Variants in ZRANB3 observed in about 807,000 individuals in gnomAD.
ZRANB3 encodes the protein zinc finger RANBP2-type containing 3.
ZRANB3 carries 125 observed loss-of-function variants against 133.8 expected under a neutral mutation model. The ratio of observed to expected loss-of-function variants is 0.93; its 90% confidence interval spans 0.81 to 1.08. The LOEUF is 1.08. Among genes scored for constraint, ZRANB3 ranks in the 50% least tolerant of loss-of-function variants. The pLI is 0.00. For synonymous variants in ZRANB3, 387 were observed against 432.7 expected (o/e 0.89, Z 1.31); for missense variants, 1,229 against 1,275.5 (o/e 0.96, Z 0.56).
intron 12 of ZRANB3, among the ~76,000 whole-genome samples, chr2:135,237,705 A>G (rs1024828994): frequency 1.1e-4 from 16 of 149,168 alleles, no homozygotes; most frequent in African/African-American, 4.0e-4. Context: ...AAAACTAAAC[A>G]CCACATGTCC....
intron 12 of ZRANB3, among the ~76,000 whole-genome samples, chr2:135,251,772 C>A (rs1348977347): frequency 6.6e-6 from 1 of 152,168 alleles, no homozygotes; most frequent in African/African-American, 2.4e-5. Flanking sequence ...CATGGTGGCT[C>A]ACACCTGTAA....
intron 8 of ZRANB3, among the ~76,000 whole-genome samples, chr2:135,309,264 A>C (rs564823900): frequency 6.6e-6 from 1 of 152,272 alleles, no homozygotes; most frequent in South Asian, 2.1e-4. Flanking sequence ...TACAGGTGTG[A>C]GCCACCGCAC....
intron 2 of ZRANB3, among the ~76,000 whole-genome samples, chr2:135,479,099 T>A (rs1424843482): frequency 6.6e-6 from 1 of 151,916 alleles, no homozygotes. Flanking sequence ...ACATCCTTGC[T>A]GGTATTGTCT....
At position 135,386,462 on chromosome 2, in the gene ZRANB3, T is replaced by C. The variant is rs545612207; in HGVS notation, c.180+4340A>G. The stretch of plus-strand genomic sequence containing the variant: ...TTCCTCAGGGATCCAGAACCAGAAA[T>C]ACCATTTGACCCAGTGATCCCATTA... On this transcript the variant is annotated intron_variant, in intron 3 of 20. Transcript: ENST00000264159. Among the ~76,000 whole-genome samples the C allele has an allele frequency of 3.3e-5, 5 of 152,212 alleles. No individual in the cohort carries two copies. In the East Asian group the frequency reaches 9.7e-4, roughly 29 times the overall value.
chr2:135,521,864 G>A (rs931837926), intron 1 of ZRANB3, among the ~76,000 whole-genome samples: 2 of 152,162 alleles, frequency 1.3e-5, no homozygotes, highest in African/African-American at 4.8e-5. Context: ...AGAGAATCAT[G>A]ATAAGGATAT....
intron 1 of ZRANB3, chr2:135,510,520 A>T (rs1269586408): frequency 3.2e-6 from 2 of 622,542 alleles, no homozygotes; most frequent in Non-Finnish European, 5.9e-6. Flanking sequence ...TAGGGTTTGT[A>T]TGGCCGCGTG....
At chr2:135,449,039 A>T (rs1178166414) in intron 2 of ZRANB3, among the ~76,000 whole-genome samples, 1 of 152,200 alleles carries the variant, frequency 6.6e-6, no homozygotes, top group Non-Finnish European at 1.5e-5. Context: ...ACACTGTAAT[A>T]CTAGGTGATT....
At chr2:135,299,019 C>A (rs1342773514) in intron 8 of ZRANB3, among the ~76,000 whole-genome samples, 1 of 152,092 alleles carries the variant, frequency 6.6e-6, no homozygotes, top group African/African-American at 2.4e-5. Context: ...TGTCTAAAGT[C>A]CCTGGACAAG....
At chr2:135,257,811 T>TA (rs1679734437) in intron 12 of ZRANB3, among the ~76,000 whole-genome samples, 1 of 152,340 alleles carries the variant, frequency 6.6e-6, no homozygotes, top group Middle Eastern at 3.4e-3. Context: ...ATATGCTAAC[T>TA]CTAATGCACC....
intron 8 of ZRANB3, among the ~76,000 whole-genome samples, chr2:135,299,274 A>G (rs1430353227): frequency 1.3e-5 from 2 of 152,070 alleles, no homozygotes; most frequent in East Asian, 3.9e-4. Flanking sequence ...ACAGGTCTCC[A>G]GGGAAGTGGG....
At chr2:135,406,213 A>G (rs541900074) in intron 2 of ZRANB3, among the ~76,000 whole-genome samples, 10 of 152,352 alleles carry the variant, frequency 6.6e-5, no homozygotes, top group African/African-American at 2.4e-4. Context: ...AATAAACTAG[A>G]AAATCTAGAA....
intron 2 of ZRANB3, among the ~76,000 whole-genome samples, chr2:135,401,683 A>C (rs1402056380): frequency 6.6e-6 from 1 of 152,224 alleles, no homozygotes. Flanking sequence ...GCATCACGCA[A>C]TGATGCCAAA....
chr2:135,514,888 T>C (rs1693636812), intron 1 of ZRANB3, among the ~76,000 whole-genome samples: 1 of 152,182 alleles, frequency 6.6e-6, no homozygotes, highest in African/African-American at 2.4e-5. Flanking sequence ...TCTGCATCTA[T>C]TGAGATAATC....
At chr2:135,432,956 G>C (rs1406547454) in intron 2 of ZRANB3, among the ~76,000 whole-genome samples, 1 of 152,174 alleles carries the variant, frequency 6.6e-6, no homozygotes, top group Non-Finnish European at 1.5e-5. Flanking sequence ...TGGAAAACAA[G>C]GACGAGCTAG....
chr2:135,422,709 G>A (rs1207994910), intron 2 of ZRANB3, among the ~76,000 whole-genome samples: 1 of 152,200 alleles, frequency 6.6e-6, no homozygotes, highest in Admixed American at 6.5e-5. Flanking sequence ...TATTACTGCA[G>A]GAGGAGAGGG....
At chr2:135,528,534 T>C (rs1453491718) in intron 1 of ZRANB3, among the ~76,000 whole-genome samples, 1 of 152,140 alleles carries the variant, frequency 6.6e-6, no homozygotes, top group African/African-American at 2.4e-5. Context: ...ATAAGGAAAA[T>C]GTACTTATCA....
intron 2 of ZRANB3, among the ~76,000 whole-genome samples, chr2:135,414,747 A>C (rs1305904750): frequency 6.6e-6 from 1 of 152,176 alleles, no homozygotes; most frequent in Non-Finnish European, 1.5e-5. Context: ...AAATTATAAC[A>C]AACTCTCTCT....
intron 2 of ZRANB3, among the ~76,000 whole-genome samples, chr2:135,408,839 G>A (rs936166240): frequency 6.6e-6 from 1 of 152,064 alleles, no homozygotes; most frequent in African/African-American, 2.4e-5. Flanking sequence ...GTCGGGGGAT[G>A]GGGGAGGGAT....
chr2:135,519,635 A>T (rs1693839987), intron 1 of ZRANB3, among the ~76,000 whole-genome samples: 1 of 152,238 alleles, frequency 6.6e-6, no homozygotes, highest in Non-Finnish European at 1.5e-5. Flanking sequence ...TCCTATAAAC[A>T]GTTATATCCT....
Sources: gnomAD v4.1 joint callset for allele counts (sites outside exome capture counted in the v4.1 genomes callset) on GRCh38, gnomAD v4.1.1 for gene constraint, MANE v1.5 for transcripts, NCBI Gene and HGNC (gene_info 2026-07-23, HGNC 2026-07-21) for gene names.